The following KIF26B variants were observed in gnomAD, a reference collection of about 807,000 sequenced individuals.
The protein encoded by KIF26B is kinesin-like protein KIF26B.
In KIF26B, 63 loss-of-function variants were observed where a neutral mutation model predicts 151.2. The ratio of observed to expected loss-of-function variants is 0.42; its 90% CI spans 0.34 to 0.51. KIF26B has a LOEUF of 0.51. KIF26B is among the 20% of genes least tolerant of loss of function. The pLI is 0.07. For missense variants in KIF26B, 2,813 were observed against 2,913.6 expected (o/e 0.97, Z 0.79); for synonymous variants, 1,357 against 1,262.1 (o/e 1.08, Z -1.59).
intron 4 of KIF26B, among the ~76,000 whole-genome samples, chr1:245,487,052 G>A (rs1660297461): frequency 6.6e-6 from 1 of 152,076 alleles, no homozygotes; most frequent in African/African-American, 2.4e-5. Flanking sequence ...AACCTTCATG[G>A]CTCCCTGTAT....
intron 4 of KIF26B, among the ~76,000 whole-genome samples, chr1:245,426,179 CT>C (rs1658645219): frequency 6.6e-6 from 1 of 151,684 alleles, no homozygotes; most frequent in Admixed American, 6.6e-5. Context: ...TTCTTTCTCT[CT>C]CTCCCCCTTC....
chr1:245,173,785 C>A (rs1008701328), intron 2 of KIF26B, among the ~76,000 whole-genome samples: 1 of 152,224 alleles, frequency 6.6e-6, no homozygotes, highest in Non-Finnish European at 1.5e-5. Flanking sequence ...TCTCTTACTT[C>A]CACGGACCTT....
chr1:245,574,288 C>A (rs2043095048), intron 5 of KIF26B, among the ~76,000 whole-genome samples: 2 of 152,132 alleles, frequency 1.3e-5, no homozygotes, highest in Admixed American at 1.3e-4. Flanking sequence ...GGATTACAGG[C>A]ATGTGCCACC....
chr1:245,520,284 G>A (rs1408165094), intron 4 of KIF26B, among the ~76,000 whole-genome samples: 1 of 152,154 alleles, frequency 6.6e-6, no homozygotes, highest in African/African-American at 2.4e-5. Flanking sequence ...AGAGAACACA[G>A]TGAGCATATC....
chr1:245,552,945 T>A (rs1465713005), intron 5 of KIF26B, among the ~76,000 whole-genome samples: 2 of 152,134 alleles, frequency 1.3e-5, no homozygotes, highest in East Asian at 3.9e-4. Flanking sequence ...AGTGGGGCAG[T>A]GCGGGGAGGC....
In KIF26B at chr1:245,226,945, A is replaced by G. The variant is rs10924127; in HGVS notation, c.465+70262A>G. 4.2e-3 allele frequency among the ~76,000 whole-genome samples: 634 copies of G among 152,216 alleles called. 21 individuals are homozygous for G. The East Asian group carries it at 0.094, about 23-fold the overall frequency. On this transcript the variant is annotated intron_variant, in intron 2 of 14. Coordinates refer to ENST00000407071, the MANE Select transcript of KIF26B (RefSeq NM_018012.4). ...AGCTTATTTCCACTTTTCTTCAGGC[A>G]CCCTCACGGACATCCAGTGCCACGG...
At chr1:245,278,316 A>T (rs750814173) in intron 2 of KIF26B, among the ~76,000 whole-genome samples, 1 of 152,158 alleles carries the variant, frequency 6.6e-6, no homozygotes, top group Non-Finnish European at 1.5e-5. Context: ...ACTGTTGACT[A>T]TTCATTTCTT....
chr1:245,330,494 G>T (rs1431217925), intron 2 of KIF26B, among the ~76,000 whole-genome samples: 1 of 14,796 alleles, frequency 6.8e-5, no homozygotes, highest in African/African-American at 4.5e-4. Flanking sequence ...AAGAGGGAGT[G>T]GGGGGAGAGT....
Position 245,517,127 on chromosome 1 carries a change from C to T in KIF26B, c.1167-23640C>T, listed in dbSNP as rs574352383. Among the ~76,000 whole-genome samples the T allele has an allele frequency of 2.8e-4, 43 of 152,268 alleles. No homozygotes were observed. In the East Asian group the frequency reaches 6.2e-3, roughly 22 times the overall value. On this transcript the variant is annotated intron_variant, in intron 4 of 14. Coordinates refer to ENST00000407071, the MANE Select transcript of KIF26B (RefSeq NM_018012.4). ...ACACCTTTAATCCCAGCCGCCAAGG[C>T]GGGCAGATCACTTGAGGTCAGGAGT...
chr1:245,484,367 C>A (rs899712895), intron 4 of KIF26B, among the ~76,000 whole-genome samples: 8 of 151,826 alleles, frequency 5.3e-5, no homozygotes, highest in African/African-American at 1.9e-4. Flanking sequence ...TCCCATCAAG[C>A]CTTGAACTGC....
At chr1:245,630,779 T>C (rs1452067160) in intron 9 of KIF26B, among the ~76,000 whole-genome samples, 1 of 152,222 alleles carries the variant, frequency 6.6e-6, no homozygotes, top group Non-Finnish European at 1.5e-5. Context: ...TTAACTCTTC[T>C]GATCCATGAG....
chr1:245,465,213 C>T (rs954680355), intron 4 of KIF26B, among the ~76,000 whole-genome samples: 4 of 152,070 alleles, frequency 2.6e-5, no homozygotes, highest in African/African-American at 9.7e-5. Flanking sequence ...CTCCTGACCT[C>T]GTGATCCGCC....
chr1:245,508,562 A>T (rs1660770919), intron 4 of KIF26B, among the ~76,000 whole-genome samples: 1 of 151,624 alleles, frequency 6.6e-6, no homozygotes, highest in South Asian at 2.1e-4. Context: ...AGCCAAGTAG[A>T]TGGGTGATTT....
At chr1:245,356,010 T>C (rs907654792) in intron 2 of KIF26B, among the ~76,000 whole-genome samples, 4 of 152,084 alleles carry the variant, frequency 2.6e-5, no homozygotes, top group African/African-American at 9.7e-5. Flanking sequence ...AGCACGCAGA[T>C]TCCAGAGCCC....
intron 5 of KIF26B, among the ~76,000 whole-genome samples, chr1:245,592,247 T>C (rs1005433739): frequency 1.3e-5 from 2 of 152,196 alleles, no homozygotes; most frequent in African/African-American, 4.8e-5. Context: ...CAGCGGCACC[T>C]CGGAGAAGCC....
intron 2 of KIF26B, among the ~76,000 whole-genome samples, chr1:245,172,078 C>T (rs1266309731): frequency 1.6e-5 from 1 of 61,238 alleles, no homozygotes; most frequent in African/African-American, 4.0e-5. Context: ...CTTATCCATC[C>T]ACCTGTTTGT....
rs78912529 is a variant in KIF26B, at chr1:245,213,476, G to A, written c.465+56793G>A. Among the ~76,000 whole-genome samples the A allele has an allele frequency of 9.4e-4, 143 of 152,296 alleles. 2 individuals carry two copies. In the East Asian group the frequency reaches 0.024, roughly 26 times the overall value. On this transcript the variant is annotated intron_variant, in intron 2 of 14. Transcript: ENST00000407071. The stretch of plus-strand genomic sequence containing the variant: ...AGCAAACCCTTAACTCCCAGAGATC[G>A]CTGGTGGAGTTCAGGGATGGAAGTG...
intron 2 of KIF26B, among the ~76,000 whole-genome samples, chr1:245,355,494 C>T (rs1002243898): frequency 2.6e-5 from 4 of 151,570 alleles, no homozygotes; most frequent in Non-Finnish European, 5.9e-5. Flanking sequence ...TATTTGGAAG[C>T]CTGAGGTGGG....
rs903333343 is a variant in KIF26B at position 245,495,999 on chromosome 1, T to G, written c.1167-44768T>G. ...ATATTCGTCAAACATTGAAGTGAAA[T>G]AAAGACATTTCAGGACAAAAATTGA... is the stretch of plus-strand genomic sequence containing the variant. On this transcript the variant is annotated intron_variant, in intron 4 of 14. Coordinates refer to ENST00000407071, the MANE Select transcript of KIF26B (RefSeq NM_018012.4). This position sits in a 1 kb window ranked among gnomAD's most constrained non-coding sequence, Gnocchi z 4.2. Among the ~76,000 whole-genome samples, 1 of 152,044 alleles carries G rather than the reference T, an allele frequency of 6.6e-6. No individual in the cohort carries two copies. The highest frequency in any genetic ancestry group is 2.4e-5 in the African/African-American group (1 of 41,402).
Sources: gnomAD v4.1 joint callset for allele counts (sites outside exome capture counted in the v4.1 genomes callset) on GRCh38, gnomAD v4.1.1 for gene constraint, Gnocchi (gnomAD v3.1) non-coding constraint, MANE v1.5 for transcripts, NCBI Gene and HGNC (gene_info 2026-07-23, HGNC 2026-07-21) for gene names.